OTOF: variants seen among roughly 807,000 people sequenced by gnomAD.
OTOF encodes fer-1-like family member 2.
OTOF carries 218 observed loss-of-function variants against 236.8 expected under a neutral mutation model. That is an observed-to-expected ratio of 0.92 (90% CI 0.82 to 1.03). The LOEUF is 1.03. OTOF is among the 50% of genes least tolerant of loss of function. OTOF has a pLI of 0.00. For synonymous variants in OTOF, 1,041 were observed against 1,072.5 expected, an observed-to-expected ratio of 0.97 and a Z score of 0.57; for missense variants, 2,590 against 2,694.4, an observed-to-expected ratio of 0.96 and a Z score of 0.86.
chr2:26,498,384 T>C (rs367626690), intron 8 of OTOF, among the ~76,000 whole-genome samples: 1 of 151,946 alleles, frequency 6.6e-6, no homozygotes, highest in South Asian at 2.1e-4. Flanking sequence ...GCGCATGGTG[T>C]TGGGGGAAGG....
At position 26,502,336 on chromosome 2, in the gene OTOF, G is replaced by A; in HGVS notation, c.674C>T (p.Ser225Leu). 1 of 1,614,100 alleles carries A rather than the reference G, an allele frequency of 6.2e-7. No homozygotes were observed. The highest frequency in any genetic ancestry group is 1.7e-4 in the Middle Eastern group (1 of 6,060). ...GLDPDSVSLA[S>L]VTALTTNVSN... is the part of the protein sequence containing the mutation. ...GACATTAGTGGTGAGAGCTGTGACT[G>A]AGGCTAGAGACACCGAGTCGGGATC... Residue 225 changes from serine (S) to leucine (L), a missense_variant, in exon 7 of 47, where the codon TCA (serine) becomes TTA (leucine). This residue lies in a region of OTOF where 1,379 missense variants were observed against 1,341.6 expected (regional missense o/e 1.03). Coordinates refer to ENST00000272371, the MANE Select transcript of OTOF (RefSeq NM_194248.3).
intron 39 of OTOF, among the ~76,000 whole-genome samples, chr2:26,464,542 T>C (rs146131843): frequency 1.6e-3 from 240 of 152,294 alleles, no homozygotes; most frequent in Middle Eastern, 3.4e-3. Flanking sequence ...GCTCTGCCTC[T>C]AAAGAGCCAC....
At chr2:26,529,381 G>C (rs1327786086) in intron 2 of OTOF, among the ~76,000 whole-genome samples, 1 of 152,174 alleles carries the variant, frequency 6.6e-6, no homozygotes, top group Non-Finnish European at 1.5e-5. Flanking sequence ...TGCCATTTCT[G>C]GGGAACTTTT....
chr2:26,482,700 T>A, intron 13 of OTOF, 108 bp from the exon 14 acceptor site: 2 of 906,070 alleles, frequency 2.2e-6, no homozygotes, highest in Non-Finnish European at 1.7e-6. Context: ...CATGTGTGCA[T>A]GTGTGAGTGG....
At chr2:26,472,356 AG>A in intron 30 of OTOF, 162 bp downstream of exon 30, 4 of 828,106 alleles carry the variant, frequency 4.8e-6, no homozygotes, top group South Asian at 4.1e-5. Context: ...TAGTATTAGG[AG>A]GGAGCTGTTT....
chr2:26,479,221 C>T (rs778026237), intron 18 of OTOF, 43 bp downstream of exon 18: 29 of 1,607,736 alleles, frequency 1.8e-5, no homozygotes, highest in Non-Finnish European at 2.4e-5. Context: ...AGCGCCGTCT[C>T]CCCCAGGACC....
intron 5 of OTOF, among the ~76,000 whole-genome samples, chr2:26,505,946 G>T (rs552903452): frequency 6.6e-6 from 1 of 152,350 alleles, no homozygotes; most frequent in African/African-American, 2.4e-5. Context: ...TTTGGGAAGG[G>T]ACTGCTGTGC....
chr2:26,458,261 G>A (rs753528168), intron 46 of OTOF, 41 bp from the exon 47 acceptor site: 41 of 1,547,526 alleles, frequency 2.6e-5, no homozygotes, highest in Non-Finnish European at 1.1e-5. Context: ...CAGTGGGCAG[G>A]AGCTGCCTCC....
chr2:26,458,351 G>A, intron 46 of OTOF, 131 bp from the exon 47 acceptor site: 1 of 962,826 alleles, frequency 1.0e-6, no homozygotes, highest in Non-Finnish European at 1.6e-6. Flanking sequence ...GAATGCTGGA[G>A]CCAGGGTTTA....
At chr2:26,484,178 C>T (rs1248198994) in intron 12 of OTOF, among the ~76,000 whole-genome samples, 1 of 152,242 alleles carries the variant, frequency 6.6e-6, no homozygotes, top group East Asian at 1.9e-4. Context: ...GCTCTCCCAG[C>T]ACTTCCTGCT....
intron 2 of OTOF, among the ~76,000 whole-genome samples, chr2:26,537,046 G>A (rs925341455): frequency 1.8e-4 from 27 of 152,122 alleles, no homozygotes; most frequent in African/African-American, 5.8e-4. Context: ...GGATGGTGTC[G>A]CCTGCTCCTT....
intron 1 of OTOF, among the ~76,000 whole-genome samples, chr2:26,556,363 G>A (rs964277579): frequency 1.3e-5 from 2 of 152,112 alleles, no homozygotes; most frequent in Non-Finnish European, 2.9e-5. Context: ...CTACAACTGT[G>A]AACTGCTAGA....
rs201631405 is a variant in OTOF, at chr2:26,482,604, G to A, written c.1393-12C>T. On this transcript the variant is annotated splice_polypyrimidine_tract_variant and intron_variant, in intron 13 of 46. Transcript: ENST00000272371. ...ACTGAAGTCTTGCCCTGGTGGAAGG[G>A]GGAGCACAGGTGAGGGCGTGGCATG... 1.9e-4 allele frequency: 312 copies of A among 1,611,042 alleles called. No individual in the cohort carries two copies. Among genetic ancestry groups the A allele is most frequent in the Admixed American group, 3.8e-4 (23 of 59,964 alleles).
At chr2:26,475,801 C>T in intron 24 of OTOF, 113 bp downstream of exon 24, 1 of 1,387,992 alleles carries the variant, frequency 7.2e-7, no homozygotes, top group Non-Finnish European at 9.9e-7. Context: ...CACTGGCTGA[C>T]CTGTGGCTCC....
In OTOF at chr2:26,477,816, C is replaced by A; in HGVS notation, c.2215-67G>T. The A allele has an allele frequency of 1.9e-6, 3 of 1,595,644 alleles. No homozygotes were observed. The highest frequency in any genetic ancestry group is 2.6e-6 in the Non-Finnish European group (3 of 1,171,350). ...CCTCCCCAGCCTCCCCAAATGCCTC[C>A]TCCCTGTTGATCAGGGGAGTGAGGG... On this transcript the variant is annotated intron_variant, in intron 18 of 46. Transcript: ENST00000272371. This position sits in a 1 kb window ranked among gnomAD's most constrained non-coding sequence, Gnocchi z 4.7.
chr2:26,473,667 G>T lies in OTOF; in HGVS notation c.3409-100C>A. ...CATCCAATAGGGAACCGGGCAGTGG[G>T]ATGGGCAGTAGTTCACCCCAGATTT... is the stretch of plus-strand genomic sequence containing the variant. On this transcript the variant is annotated intron_variant, in intron 27 of 46. Coordinates refer to ENST00000272371, the MANE Select transcript of OTOF (RefSeq NM_194248.3). This position sits in a 1 kb window ranked among gnomAD's most constrained non-coding sequence, Gnocchi z 7.2. 8.1e-7 allele frequency: 1 copy of T among 1,240,526 alleles called. No homozygotes were observed. The highest frequency in any genetic ancestry group is 1.1e-6 in the Non-Finnish European group (1 of 892,938). The allele number at this position is 1,240,526 out of a possible 1,614,324, so 76.8% of individuals were successfully genotyped here.
intron 14 of OTOF, among the ~76,000 whole-genome samples, chr2:26,482,116 TTATCA>T (rs1267125731): frequency 6.6e-6 from 1 of 152,158 alleles, no homozygotes; most frequent in African/African-American, 2.4e-5. Flanking sequence ...CATACTATAA[TTATCA>T]TATCATATAA....
rs768495761 is a variant in OTOF, at chr2:26,467,502, C to T, written c.4091-1G>A. On this transcript the variant is annotated splice_acceptor_variant, in intron 33 of 46. Transcript: ENST00000272371. LOFTEE classifies it high-confidence loss of function. ...TTGCCCTTCATTGACCCCTTCAGGC[C>T]TGGCCAGAAGCAGAAAAGGAGGTGG... is the stretch of plus-strand genomic sequence containing the variant. The T allele has an allele frequency of 1.2e-6, 2 of 1,613,670 alleles. No homozygotes were observed. The highest frequency in any genetic ancestry group is 1.3e-5 in the African/African-American group (1 of 74,906).
intron 25 of OTOF, 141 bp downstream of exon 25, chr2:26,475,218 A>G (rs1665193188): frequency 2.2e-5 from 21 of 959,160 alleles, no homozygotes. Context: ...CCCCACTCCC[A>G]GCTTCCCAGC....
Sources: allele counts gnomAD v4.1 joint callset (sites outside exome capture counted in the v4.1 genomes callset), GRCh38; gene constraint gnomAD v4.1.1; regional missense constraint gnomAD v4.1.1; non-coding constraint Gnocchi (gnomAD v3.1); transcripts MANE v1.5; gene names NCBI Gene and HGNC (gene_info 2026-07-23, HGNC 2026-07-21).